Variants in GPD2 observed in about 807,000 individuals in gnomAD.
The protein encoded by GPD2 is glycerol-3-phosphate dehydrogenase 2.
GPD2 carries 54 observed loss-of-function variants against 82.4 expected under a neutral mutation model. That is an observed-to-expected ratio of 0.66 (90% CI 0.53 to 0.82). The LOEUF (loss-of-function observed/expected upper bound fraction) is 0.82. Among genes scored for constraint, GPD2 ranks in the 40% least tolerant of loss-of-function variants. The pLI is 0.00. For missense variants in GPD2, 748 were observed against 896.2 expected, an observed-to-expected ratio of 0.83 and a Z score of 2.11; for synonymous variants, 288 against 306.1, an observed-to-expected ratio of 0.94 and a Z score of 0.62.
At chr2:156,520,560 G>GTTATTTATTTAT (rs148048031) in intron 6 of GPD2, among the ~76,000 whole-genome samples, 158 of 144,018 alleles carry the variant, frequency 1.1e-3, no homozygotes, top group African/African-American at 3.8e-3. Context: ...TATTTTTATT[G>GTTATTTATTTAT]TTATTTATTT....
chr2:156,569,932 G>T (rs780389822), intron 11 of GPD2, among the ~76,000 whole-genome samples, 155 bp from the exon 12 acceptor site: 19 of 152,014 alleles, frequency 1.2e-4, no homozygotes, highest in African/African-American at 3.6e-4. Context: ...AAGCCCAAGT[G>T]GTTTCCTTCC....
intron 6 of GPD2, among the ~76,000 whole-genome samples, chr2:156,529,653 A>G (rs1380482482): frequency 3.3e-5 from 5 of 151,766 alleles, no homozygotes; most frequent in South Asian, 4.2e-4. Flanking sequence ...AGCTTTCTAC[A>G]TATGGCTAGC....
intron 8 of GPD2, among the ~76,000 whole-genome samples, chr2:156,554,703 T>C (rs1183146910): frequency 6.6e-6 from 1 of 152,190 alleles, no homozygotes; most frequent in African/African-American, 2.4e-5. Flanking sequence ...CCAAAAGCAA[T>C]GATAATACAC....
intron 6 of GPD2, among the ~76,000 whole-genome samples, chr2:156,519,972 G>C (rs1685339451): frequency 6.6e-6 from 1 of 152,244 alleles, no homozygotes; most frequent in Admixed American, 6.5e-5. Flanking sequence ...TTCTTGCCCA[G>C]CATCTGGGAA....
chr2:156,529,833 T>G lies in GPD2; in HGVS notation c.661+16337T>G, dbSNP rs559515587. The stretch of plus-strand genomic sequence containing the variant: ...TCGTACCAGTACCATGCTGTTTTGG[T>G]TACTGTAGCCTTGTAGTATAGTTTG... On this transcript the variant is annotated intron_variant, in intron 6 of 16. Coordinates refer to ENST00000438166, the MANE Select transcript of GPD2 (RefSeq NM_000408.5). 9.3e-3 allele frequency among the ~76,000 whole-genome samples: 1,410 copies of G among 152,216 alleles called. 28 individuals are homozygous for G. Among genetic ancestry groups the G allele is most frequent in the African/African-American group, 0.032 (1,338 of 41,490 alleles).
intron 2 of GPD2, among the ~76,000 whole-genome samples, chr2:156,477,427 G>C (rs1343267439): frequency 3.9e-5 from 6 of 152,100 alleles, no homozygotes; most frequent in Non-Finnish European, 8.8e-5. Flanking sequence ...ATGAAACCCT[G>C]TCTCAATCAA....
intron 6 of GPD2, among the ~76,000 whole-genome samples, chr2:156,534,354 C>G (rs1685984212): frequency 1.3e-5 from 2 of 152,190 alleles, no homozygotes; most frequent in African/African-American, 4.8e-5. Context: ...GTACACGATG[C>G]AGGGATGCAG....
chr2:156,480,277 G>A (rs932260297), intron 2 of GPD2, among the ~76,000 whole-genome samples: 3 of 152,160 alleles, frequency 2.0e-5, no homozygotes, highest in African/African-American at 4.8e-5. Context: ...GAGCATTAAA[G>A]TCAGGGCTCC....
intron 9 of GPD2, among the ~76,000 whole-genome samples, chr2:156,562,340 C>T (rs1231545030): frequency 1.3e-5 from 2 of 152,210 alleles, no homozygotes; most frequent in Non-Finnish European, 2.9e-5. Flanking sequence ...GGGTTATCAA[C>T]TTACACAGGC....
chr2:156,568,482 G>A (rs535592465), intron 9 of GPD2, among the ~76,000 whole-genome samples: 1 of 152,200 alleles, frequency 6.6e-6, no homozygotes, highest in East Asian at 1.9e-4. Flanking sequence ...CATTGGTTTT[G>A]ATTGTTTCTG....
chr2:156,532,446 C>A (rs1015556741), intron 6 of GPD2, among the ~76,000 whole-genome samples: 4 of 152,182 alleles, frequency 2.6e-5, no homozygotes, highest in Admixed American at 6.5e-5. Context: ...TTTCTCTTCT[C>A]CCCATGTGCT....
intron 6 of GPD2, among the ~76,000 whole-genome samples, chr2:156,547,676 A>G (rs1207381706): frequency 6.6e-6 from 1 of 152,196 alleles, no homozygotes; most frequent in Non-Finnish European, 1.5e-5. Flanking sequence ...TCAGATTTAG[A>G]TGCTAATTAG....
upstream of GPD2, among the ~76,000 whole-genome samples, chr2:156,434,340 G>T (rs1180714442): frequency 6.6e-6 from 1 of 152,128 alleles, no homozygotes; most frequent in Non-Finnish European, 1.5e-5. Flanking sequence ...TTGACCTCGT[G>T]ATCTGCCCAC....
chr2:156,409,371 T>C, the GPD2 span, among the ~76,000 whole-genome samples: 117 of 152,282 alleles, frequency 7.7e-4, no homozygotes, highest in African/African-American at 2.8e-3. Flanking sequence ...TTCTTGACAA[T>C]TTAAGCAACA....
intron 1 of GPD2, among the ~76,000 whole-genome samples, chr2:156,452,222 T>C (rs1366004286): frequency 6.6e-6 from 1 of 152,186 alleles, no homozygotes; most frequent in Non-Finnish European, 1.5e-5. Flanking sequence ...GTGGAGGTTG[T>C]AGCGAGCCGA....
intron 2 of GPD2, among the ~76,000 whole-genome samples, chr2:156,483,965 G>A (rs533016711): frequency 5.0e-5 from 7 of 140,944 alleles, no homozygotes; most frequent in Non-Finnish European, 9.1e-5. Flanking sequence ...ACTATCACAT[G>A]ACACATTTAT....
chr2:156,426,036 C>T, the GPD2 span, among the ~76,000 whole-genome samples: 5 of 151,990 alleles, frequency 3.3e-5, no homozygotes, highest in East Asian at 1.9e-4. Context: ...CATTCTCCTG[C>T]CTTAGCCTCC....
chr2:156,545,309 C>T (rs962935852), intron 6 of GPD2, among the ~76,000 whole-genome samples: 1 of 152,164 alleles, frequency 6.6e-6, no homozygotes, highest in African/African-American at 2.4e-5. Flanking sequence ...CCAGAGAGGT[C>T]ACTGTGACAC....
At chr2:156,449,574 A>G (rs1475642865) in intron 1 of GPD2, among the ~76,000 whole-genome samples, 4 of 152,186 alleles carry the variant, frequency 2.6e-5, no homozygotes, top group Admixed American at 2.0e-4. Context: ...TGTGGGTGAT[A>G]TTGCTCTCAT....
Sources: gnomAD v4.1 joint callset for allele counts (sites outside exome capture counted in the v4.1 genomes callset) on GRCh38, gnomAD v4.1.1 for gene constraint, MANE v1.5 for transcripts, NCBI Gene and HGNC (gene_info 2026-07-23, HGNC 2026-07-21) for gene names.